GDAP1: variants seen among roughly 807,000 people sequenced by gnomAD.
GDAP1 encodes the protein ganglioside induced differentiation associated protein 1, also known as ganglioside-induced differentiation-associated protein 1.
In GDAP1, 34 loss-of-function variants were observed where a neutral mutation model predicts 40.1. That is an observed-to-expected ratio of 0.85 (90% CI 0.64 to 1.13). GDAP1 has a LOEUF of 1.13. Ranked by LOEUF, GDAP1 falls within the 50% of genes most tolerant of loss-of-function variation. GDAP1 has a pLI of 0.00. For missense variants in GDAP1, 374 were observed against 433.7 expected (o/e 0.86, Z 1.22); for synonymous variants, 170 against 157.4 (o/e 1.08, Z -0.60).
chr8:74,350,645 A>G, intron 1 of GDAP1, 67 bp downstream of exon 1: 1 of 1,002,000 alleles, frequency 1.0e-6, no homozygotes, highest in Non-Finnish European at 1.6e-6. Flanking sequence ...GCTCCTTCTG[A>G]GTCCCGCCCA....
intron 2 of GDAP1, among the ~76,000 whole-genome samples, chr8:74,373,255 C>T (rs1809787089): frequency 6.6e-6 from 1 of 152,058 alleles, no homozygotes; most frequent in South Asian, 2.1e-4. Context: ...TTTTTGGTTC[C>T]ATATGAACTT....
In GDAP1 at chr8:74,356,840, G is replaced by A. The variant is rs1200884038; in HGVS notation, c.311-3297G>A. 3.3e-5 allele frequency among the ~76,000 whole-genome samples: 5 copies of A among 150,040 alleles called. No individual in the cohort carries two copies. In the East Asian group the frequency reaches 5.9e-4, roughly 18 times the overall value. On this transcript the variant is annotated intron_variant, in intron 2 of 5. Coordinates refer to ENST00000220822, the MANE Select transcript of GDAP1 (RefSeq NM_018972.4). ...AGCGATTCCCCTGCCTCAGCCTCCC[G>A]AGTAGCTGGGACTATAGGCGCGCAC...
intron 2 of GDAP1, among the ~76,000 whole-genome samples, chr8:74,405,034 A>G (rs1024485134): frequency 3.3e-5 from 5 of 150,142 alleles, no homozygotes; most frequent in African/African-American, 1.3e-4. Context: ...CTGCTAATAA[A>G]GATATACCTA....
chr8:74,369,289 A>AAGTAATAAAT (rs1279937480), downstream of GDAP1, among the ~76,000 whole-genome samples: 1 of 152,248 alleles, frequency 6.6e-6, no homozygotes, highest in Non-Finnish European at 1.5e-5. Flanking sequence ...TGTTGAAAAA[A>AAGTAATAAAT]AGTAATAAAT....
At chr8:74,447,216 CCT>C (rs991653552) in intron 2 of GDAP1, among the ~76,000 whole-genome samples, 2 of 151,854 alleles carry the variant, frequency 1.3e-5, no homozygotes, top group South Asian at 2.1e-4. Context: ...CTCTTTTTAC[CCT>C]GTGTCTTCCA....
chr8:74,486,554 G>T (rs1422016046), intron 2 of GDAP1, among the ~76,000 whole-genome samples: 1 of 152,178 alleles, frequency 6.6e-6, no homozygotes, highest in Non-Finnish European at 1.5e-5. Context: ...ACACAAAGAG[G>T]TTGAAAGATT....
chr8:74,366,675 T>C lies in GDAP1; in HGVS notation c.*2308T>C, dbSNP rs1208360800. 1 of 453,202 alleles carries C rather than the reference T, an allele frequency of 2.2e-6. No individual in the cohort carries two copies. 28.1% of individuals were successfully genotyped at this position (453,202 alleles called of 1,614,324 possible). A position where few individuals can be genotyped will look rare whatever the true frequency, so the allele number is the denominator to read the frequency against. On this transcript the variant is annotated 3_prime_UTR_variant, in exon 6 of 6. Coordinates refer to ENST00000220822, the MANE Select transcript of GDAP1 (RefSeq NM_018972.4). ...TGTGTCTTAACACACATAAATACTATTGTTATTGCAGCAGATGCCTTTTGA... is the reference window on the plus strand; with the variant it reads ...TGTGTCTTAACACACATAAATACTACTGTTATTGCAGCAGATGCCTTTTGA...
At chr8:74,433,684 T>G (rs1045523256) in intron 2 of GDAP1, among the ~76,000 whole-genome samples, 2 of 152,318 alleles carry the variant, frequency 1.3e-5, no homozygotes, top group East Asian at 3.9e-4. Context: ...TAAACTTGCC[T>G]AGAGAGAGTT....
intron 2 of GDAP1, among the ~76,000 whole-genome samples, chr8:74,422,341 CTTTCTTTCTTCCCTTCCTT>C: frequency 3.1e-3 from 171 of 54,328 alleles, no homozygotes; most frequent in Middle Eastern, 0.022. Flanking sequence ...TTCTTTCTTT[CTTTCTTTCTTCCCTTCCTT>C]CCTTCCTTCC....
intron 2 of GDAP1, among the ~76,000 whole-genome samples, chr8:74,358,667 G>A (rs773155696): frequency 2.2e-3 from 338 of 152,238 alleles, no homozygotes; most frequent in Admixed American, 3.9e-3. Context: ...AGTAATTAAC[G>A]TCTTAGTATT....
intron 2 of GDAP1, among the ~76,000 whole-genome samples, chr8:74,464,742 C>G (rs527346747): frequency 6.6e-6 from 1 of 152,138 alleles, no homozygotes; most frequent in African/African-American, 2.4e-5. Flanking sequence ...CTCCGTCAGA[C>G]AAAGACTGAG....
chr8:74,398,423 C>T (rs1253232344), intron 2 of GDAP1, among the ~76,000 whole-genome samples: 1 of 152,156 alleles, frequency 6.6e-6, no homozygotes, highest in Non-Finnish European at 1.5e-5. Flanking sequence ...GCTGAAGTTG[C>T]TTCTCAGCTT....
intron 2 of GDAP1, among the ~76,000 whole-genome samples, chr8:74,427,250 G>T (rs756510518): frequency 6.6e-6 from 1 of 152,200 alleles, no homozygotes; most frequent in Non-Finnish European, 1.5e-5. Flanking sequence ...TGCGTCCTAT[G>T]TGAGTTACAT....
chr8:74,385,973 G>T (rs1287276075), intron 2 of GDAP1, among the ~76,000 whole-genome samples: 1 of 152,042 alleles, frequency 6.6e-6, no homozygotes, highest in Non-Finnish European at 1.5e-5. Context: ...TTTATTGGCC[G>T]CATAAATGCC....
chr8:74,463,734 G>GTTTCC, intron 2 of GDAP1, among the ~76,000 whole-genome samples: 1 of 152,164 alleles, frequency 6.6e-6, no homozygotes, highest in Admixed American at 6.5e-5. Flanking sequence ...AACATATGTA[G>GTTTCC]AAATTGGAAT....
intron 2 of GDAP1, among the ~76,000 whole-genome samples, chr8:74,447,601 A>T (rs903024458): frequency 1.3e-5 from 2 of 152,016 alleles, no homozygotes; most frequent in African/African-American, 2.4e-5. Context: ...AGCCCCCTTT[A>T]TTTGTGATAT....
chr8:74,394,077 AATGGACTTAAAGTTCCAC>A (rs1478200702), intron 2 of GDAP1, among the ~76,000 whole-genome samples: 3 of 152,216 alleles, frequency 2.0e-5, no homozygotes, highest in African/African-American at 2.4e-5. Flanking sequence ...AAAGAGGTTT[AATGGACTTAAAGTTCCAC>A]ATGGCTGGGG....
intron 2 of GDAP1, among the ~76,000 whole-genome samples, chr8:74,392,722 G>A (rs921091683): frequency 6.6e-5 from 10 of 152,188 alleles, no homozygotes; most frequent in African/African-American, 1.9e-4. Context: ...AACCCAATGA[G>A]AGCAGAGTGA....
chr8:74,397,849 G>C (rs1381105574), intron 2 of GDAP1, among the ~76,000 whole-genome samples: 1 of 151,206 alleles, frequency 6.6e-6, no homozygotes, highest in Non-Finnish European at 1.5e-5. Flanking sequence ...GCTCTTTTTT[G>C]GTTCCATATG....
Sources: allele counts gnomAD v4.1 joint callset (sites outside exome capture counted in the v4.1 genomes callset), GRCh38; gene constraint gnomAD v4.1.1; transcripts MANE v1.5; gene names NCBI Gene and HGNC (gene_info 2026-07-23, HGNC 2026-07-21).